The following PLIN2 variants were observed in gnomAD, a reference collection of about 807,000 sequenced individuals.
PLIN2 encodes perilipin-2.
PLIN2 carries 33 observed loss-of-function variants against 30.6 expected under a neutral mutation model. The ratio of observed to expected loss-of-function variants is 1.08; its 90% confidence interval spans 0.82 to 1.44. The LOEUF is 1.44. PLIN2 is among the 40% of genes most tolerant of loss of function. The probability of loss-of-function intolerance (pLI) is 0.00; values close to 1 mark genes in which losing one functional copy is unlikely to be tolerated. For synonymous variants in PLIN2, 205 were observed against 201.1 expected, an observed-to-expected ratio of 1.02 and a Z score of -0.16; for missense variants, 610 against 531.8, an observed-to-expected ratio of 1.15 and a Z score of -1.45.
At position 19,116,167 on chromosome 9, in the gene PLIN2, G is replaced by C. The variant is rs948754159; in HGVS notation, c.*81C>G. ...TACTAGCTACTTGCTTCCCAATTTA[G>C]GGTTGCCTAGCAAGTTAATTTCAAC... On this transcript the variant is annotated 3_prime_UTR_variant, in exon 8 of 8. Coordinates refer to ENST00000276914, the MANE Select transcript of PLIN2 (RefSeq NM_001122.4). 7.3e-7 allele frequency: 1 copy of C among 1,366,378 alleles called. No homozygotes were observed. Among genetic ancestry groups the C allele is most frequent in the South Asian group, 1.5e-5 (1 of 67,868 alleles). 84.6% of individuals were successfully genotyped at this position (1,366,378 alleles called of 1,614,324 possible). A position where few individuals can be genotyped will look rare whatever the true frequency, so the allele number is the denominator to read the frequency against.
chr9:19,119,953 C>A (rs1818289086), intron 5 of PLIN2, 122 bp from the exon 6 acceptor site: 1 of 641,454 alleles, frequency 1.6e-6, no homozygotes, highest in Admixed American at 2.9e-5. Context: ...ATCATGCAGT[C>A]ATTTTTCCAA....
intron 5 of PLIN2, 45 bp from the exon 6 acceptor site, chr9:19,119,876 G>A (rs1291637841): frequency 1.5e-6 from 2 of 1,329,000 alleles, no homozygotes; most frequent in Non-Finnish European, 2.1e-6. Context: ...GGATCACAGT[G>A]ACAAGTGATA....
At chr9:19,113,141 G>A (rs1324531029), downstream of PLIN2, among the ~76,000 whole-genome samples, 3 of 151,962 alleles carry the variant, frequency 2.0e-5, no homozygotes, top group Non-Finnish European at 1.5e-5. Context: ...TCAGGAGTTC[G>A]AGACCAGCCT....
chr9:19,126,829 G>A (rs1042467350), intron 1 of PLIN2, among the ~76,000 whole-genome samples: 4 of 152,142 alleles, frequency 2.6e-5, no homozygotes, highest in Admixed American at 6.6e-5. Flanking sequence ...ACTGCTTGAT[G>A]TCAGGAGTTC....
chr9:19,123,305 A>T, intron 4 of PLIN2: 1 of 1,497,494 alleles, frequency 6.7e-7, no homozygotes, highest in Non-Finnish European at 9.0e-7. Context: ...AATTTCATTT[A>T]TAGGAGCAAA....
Position 19,126,389 on chromosome 9 carries a change from AT to A in PLIN2, c.30+7del. 6.2e-7 allele frequency: 1 copy of A among 1,613,978 alleles called. No homozygotes were observed. The highest frequency in any genetic ancestry group is 8.5e-7 in the Non-Finnish European group (1 of 1,179,916). Reference sequence around the variant, plus strand: ...AGAAAGTAGACAAAGGCTACTCAAAATTCATACCGGTTGTGGATCAACTGCA... The same window carrying A: ...AGAAAGTAGACAAAGGCTACTCAAAATCATACCGGTTGTGGATCAACTGCA... On this transcript the variant is annotated splice_region_variant and intron_variant, in intron 2 of 7. Transcript: ENST00000276914.
rs542037971 is a variant in PLIN2, at chr9:19,116,457, T to C, written c.1105A>G (p.Ser369Gly). The C allele has an allele frequency of 3.1e-6, 5 of 1,614,136 alleles. No homozygotes were observed. The highest frequency in any genetic ancestry group is 2.2e-5 in the East Asian group (1 of 44,890). ...TGCCCCTTGCTAGAAGTGAGGAGGC[T>C]GTCAGACACTTCTTTAAAGGAGGCA... ...NAASFKEVSD[S>G]LLTSSKGQLQ... is the part of the protein sequence containing the mutation. The change falls in exon 8 of 8, where the codon AGC (serine) becomes GGC (glycine). Residue 369 changes from serine to glycine, a missense_variant. Coordinates refer to ENST00000276914, the MANE Select transcript of PLIN2 (RefSeq NM_001122.4).
At chr9:19,110,755 C>A (rs975377015) in intron 2 of PLIN2, among the ~76,000 whole-genome samples, 4 of 152,206 alleles carry the variant, frequency 2.6e-5, no homozygotes, top group African/African-American at 9.6e-5. Context: ...GGATTACAGG[C>A]ATGAGCTACC....
At chr9:19,118,534 TCAGGCAACATAA>T in intron 6 of PLIN2, 79 bp from the exon 7 acceptor site, 6 of 1,305,434 alleles carry the variant, frequency 4.6e-6, no homozygotes, top group Non-Finnish European at 6.3e-6. Flanking sequence ...ATGATGTAAA[TCAGGCAACATAA>T]AAACTAAGAA....
Sources: allele counts gnomAD v4.1 joint callset (sites outside exome capture counted in the v4.1 genomes callset), GRCh38; gene constraint gnomAD v4.1.1; transcripts MANE v1.5; gene names NCBI Gene and HGNC (gene_info 2026-07-23, HGNC 2026-07-21).